NOX4: variants seen among roughly 807,000 people sequenced by gnomAD.
NOX4 encodes the protein kidney oxidase-1.
In NOX4, 69 loss-of-function variants were observed where a neutral mutation model predicts 87.6. The observed-to-expected ratio is 0.79, with a 90% CI of 0.65 to 0.96. NOX4 has a LOEUF of 0.96. NOX4 is among the 40% of genes least tolerant of loss of function. The pLI, the probability that NOX4 is intolerant of heterozygous loss-of-function variation, is 0.00. For missense variants in NOX4, 680 were observed against 681.5 expected, an observed-to-expected ratio of 1.00 and a Z score of 0.02; for synonymous variants, 275 against 238.2, an observed-to-expected ratio of 1.15 and a Z score of -1.42.
intron 11 of NOX4, 70 bp from the exon 12 acceptor site, chr11:89,373,562 T>C (rs1939617669): frequency 2.0e-6 from 2 of 1,007,458 alleles, no homozygotes; most frequent in Admixed American, 3.5e-5. Context: ...CAATTACAAC[T>C]TTTATCCTGA....
the NOX4 span, among the ~76,000 whole-genome samples, chr11:89,565,845 T>G: frequency 8.3e-4 from 126 of 152,250 alleles, no homozygotes; most frequent in Non-Finnish European, 1.4e-3. Context: ...CTGTACATGA[T>G]TTTTTCTGCT....
intron 2 of NOX4, among the ~76,000 whole-genome samples, chr11:89,475,668 G>C (rs1416478471): frequency 6.6e-6 from 1 of 151,916 alleles, no homozygotes; most frequent in Non-Finnish European, 1.5e-5. Context: ...GGATAGGACA[G>C]GACAGGACAG....
the NOX4 span, among the ~76,000 whole-genome samples, chr11:89,588,476 C>G: frequency 6.6e-6 from 1 of 151,932 alleles, no homozygotes; most frequent in Admixed American, 6.6e-5. Context: ...CTTAACAGGT[C>G]ATAAGTTTCC....
At chr11:89,500,097 G>C (rs115038744), upstream of NOX4, among the ~76,000 whole-genome samples, 22 of 152,190 alleles carry the variant, frequency 1.4e-4, no homozygotes, top group African/African-American at 4.3e-4. Context: ...AGCATATCAG[G>C]ACTATTCAAC....
At chr11:89,454,064 C>A (rs1175612405) in intron 2 of NOX4, among the ~76,000 whole-genome samples, 3 of 152,052 alleles carry the variant, frequency 2.0e-5, no homozygotes, top group Non-Finnish European at 4.4e-5. Flanking sequence ...AAGTACTAGA[C>A]AAGGTCACAG....
Position 89,467,349 on chromosome 11 carries a change from C to CAAAAA in NOX4, c.154-15459_154-15455dup, listed in dbSNP as rs71052233. Among the ~76,000 whole-genome samples the CAAAAA allele has an allele frequency of 5.2e-4, 32 of 61,452 alleles. 1 individual carries two copies. The highest frequency in any genetic ancestry group is 1.5e-3 in the African/African-American group (26 of 17,616). 40.3% of individuals were successfully genotyped at this position (61,452 alleles called of 152,430 possible). A position where few individuals can be genotyped will look rare whatever the true frequency, so the allele number is the denominator to read the frequency against. On this transcript the variant is annotated intron_variant, in intron 2 of 17. Transcript: ENST00000263317. ...CTGGGCGACAGAGCCAAACTCGTCA[C>CAAAAA]AAAAAAAAAAAAAAAAAAAAAAAAA...
At chr11:89,544,489 AG>A in the NOX4 span, among the ~76,000 whole-genome samples, 7 of 152,294 alleles carry the variant, frequency 4.6e-5, no homozygotes, top group African/African-American at 1.4e-4. Flanking sequence ...TAGCAAAAGA[AG>A]GTGAAAGTCA....
the NOX4 span, among the ~76,000 whole-genome samples, chr11:89,510,035 C>A: frequency 6.6e-6 from 1 of 152,038 alleles, no homozygotes; most frequent in African/African-American, 2.4e-5. Context: ...TTCCTGCTTT[C>A]TTCTTTGGAA....
At chr11:89,392,097 C>CT (rs1312306541) in intron 11 of NOX4, among the ~76,000 whole-genome samples, 1 of 152,076 alleles carries the variant, frequency 6.6e-6, no homozygotes, top group South Asian at 2.1e-4. Flanking sequence ...TACAATTATC[C>CT]TTTTTTCTCC....
the NOX4 span, among the ~76,000 whole-genome samples, chr11:89,515,519 C>CT: frequency 6.7e-6 from 1 of 148,670 alleles, no homozygotes; most frequent in Non-Finnish European, 1.5e-5. Flanking sequence ...CATTCTGTGT[C>CT]TTGTTTTTTC....
At chr11:89,431,928 A>G (rs1253761203) in intron 7 of NOX4, among the ~76,000 whole-genome samples, 5 of 152,192 alleles carry the variant, frequency 3.3e-5, no homozygotes, top group African/African-American at 1.2e-4. Context: ...ACTATTCACA[A>G]TAGCAAAGAC....
chr11:89,522,109 C>A, the NOX4 span, among the ~76,000 whole-genome samples: 1 of 152,164 alleles, frequency 6.6e-6, no homozygotes, highest in Non-Finnish European at 1.5e-5. Flanking sequence ...CTCTGGAAAG[C>A]AGTTTGGAGA....
chr11:89,536,961 A>G, the NOX4 span, among the ~76,000 whole-genome samples: 1 of 152,212 alleles, frequency 6.6e-6, no homozygotes, highest in African/African-American at 2.4e-5. Context: ...AAACAACTAC[A>G]TAGTTATTGG....
the NOX4 span, among the ~76,000 whole-genome samples, chr11:89,528,826 T>C: frequency 6.6e-6 from 1 of 152,210 alleles, no homozygotes; most frequent in Admixed American, 6.5e-5. Context: ...CCAGCCAATA[T>C]ATCTACCTAT....
intron 2 of NOX4, among the ~76,000 whole-genome samples, chr11:89,480,948 A>C (rs1036090599): frequency 6.6e-6 from 1 of 152,096 alleles, no homozygotes; most frequent in African/African-American, 2.4e-5. Flanking sequence ...CCACCCAAGA[A>C]TCATAGCCAA....
At chr11:89,391,018 A>G (rs1426900956) in intron 11 of NOX4, among the ~76,000 whole-genome samples, 4 of 152,150 alleles carry the variant, frequency 2.6e-5, no homozygotes, top group Non-Finnish European at 5.9e-5. Context: ...AGATGGGGGA[A>G]GGAGGCTCTG....
At position 89,390,371 on chromosome 11, in the gene NOX4, C is replaced by T. The variant is rs137954138; in HGVS notation, c.1074+9646G>A. On this transcript the variant is annotated intron_variant, in intron 11 of 17. Coordinates refer to ENST00000263317, the MANE Select transcript of NOX4 (RefSeq NM_016931.5). Reference sequence around the variant, plus strand: ...GGGAAGCTATAAACCACTTCCTAAGCCTACATGATAAACAGATGGTCTGAT... The same window carrying T: ...GGGAAGCTATAAACCACTTCCTAAGTCTACATGATAAACAGATGGTCTGAT... 8.1e-4 allele frequency among the ~76,000 whole-genome samples: 124 copies of T among 152,250 alleles called. 1 individual carries two copies. The highest frequency in any genetic ancestry group is 3.0e-3 in the African/African-American group (123 of 41,560).
intron 6 of NOX4, among the ~76,000 whole-genome samples, chr11:89,438,493 T>C (rs1409383648): frequency 2.1e-5 from 2 of 95,370 alleles, no homozygotes; most frequent in African/African-American, 9.7e-5. Context: ...TACTATATAA[T>C]ATACAGCATA....
intron 2 of NOX4, among the ~76,000 whole-genome samples, chr11:89,473,556 A>G (rs891994727): frequency 1.3e-5 from 2 of 151,938 alleles, no homozygotes; most frequent in African/African-American, 4.8e-5. Context: ...ATATATTAAA[A>G]CTCATATAGT....
Sources: gnomAD v4.1 joint callset for allele counts (sites outside exome capture counted in the v4.1 genomes callset) on GRCh38, gnomAD v4.1.1 for gene constraint, MANE v1.5 for transcripts, NCBI Gene and HGNC (gene_info 2026-07-23, HGNC 2026-07-21) for gene names.